GRM8: variants seen among roughly 807,000 people sequenced by gnomAD.
GRM8 encodes metabotropic glutamate receptor 8.
Under a neutral mutation model 87.2 loss-of-function variants are expected in GRM8, and 47 were observed. That is an observed-to-expected ratio of 0.54 (90% CI 0.43 to 0.69). GRM8 has a LOEUF of 0.69. Ranked by LOEUF, GRM8 falls within the 30% of genes least tolerant of loss-of-function variation. The probability of loss-of-function intolerance (pLI) is 0.00; values close to 1 mark genes in which losing one functional copy is unlikely to be tolerated. For synonymous variants in GRM8, 396 were observed against 404.5 expected, an observed-to-expected ratio of 0.98 and a Z score of 0.25; for missense variants, 1,019 against 1,139.2, an observed-to-expected ratio of 0.89 and a Z score of 1.52.
rs1818216177 is a variant in GRM8, at chr7:126,766,548, T to C, written c.1357+3317A>G. ...GAGAGTACCTTTTGTAGCTCACTGA[T>C]CCTGGCAGACAATCTAGAAGGCCAC... On this transcript the variant is annotated intron_variant, in intron 7 of 10. Coordinates refer to ENST00000339582, the MANE Select transcript of GRM8 (RefSeq NM_000845.3). Among the ~76,000 whole-genome samples the C allele has an allele frequency of 2.6e-5, 4 of 152,224 alleles. No individual in the cohort carries two copies. In the South Asian group the frequency reaches 8.3e-4, roughly 32 times the overall value.
chr7:127,216,392 C>A (rs1012765114), intron 2 of GRM8, among the ~76,000 whole-genome samples: 2 of 151,974 alleles, frequency 1.3e-5, no homozygotes, highest in Non-Finnish European at 2.9e-5. Context: ...GTGGCATGCA[C>A]CTGTAATCCC....
At position 127,215,613 on chromosome 7, in the gene GRM8, C is replaced by T. The variant is rs28952005; in HGVS notation, c.510+27082G>A. ...CACTCACCACCCTGGTGTCAGCTCT[C>T]TCTCCATTTTTGCCTCTGTAGAGAC... On this transcript the variant is annotated intron_variant, in intron 2 of 10. Transcript: ENST00000339582. 7.0e-4 allele frequency among the ~76,000 whole-genome samples: 107 copies of T among 152,326 alleles called. 4 individuals carry two copies. In the East Asian group the frequency reaches 0.015, roughly 22 times the overall value.
chr7:126,663,409 C>T (rs1585423029), intron 7 of GRM8, among the ~76,000 whole-genome samples: 1 of 152,194 alleles, frequency 6.6e-6, no homozygotes, highest in Non-Finnish European at 1.5e-5. Context: ...TACTAGCAAA[C>T]TGAATCCAGC....
chr7:126,882,575 A>G (rs1010672883), intron 6 of GRM8, among the ~76,000 whole-genome samples: 3 of 152,250 alleles, frequency 2.0e-5, no homozygotes, highest in Non-Finnish European at 4.4e-5. Flanking sequence ...GAGAACATTT[A>G]CAAAAATTGT....
rs937411792 is a variant in GRM8 at position 127,033,473 on chromosome 7, A to G, written c.727+73023T>C. Among the ~76,000 whole-genome samples the G allele has an allele frequency of 2.0e-5, 3 of 152,156 alleles. No homozygotes were observed. The South Asian group carries it at 6.2e-4, about 31-fold the overall frequency. ...AACATTTATTGAGCACCTATGTACCATGAACTGATCAGCTCATTTTACCTG... is the reference window on the plus strand; with the variant it reads ...AACATTTATTGAGCACCTATGTACCGTGAACTGATCAGCTCATTTTACCTG... On this transcript the variant is annotated intron_variant, in intron 3 of 10. Transcript: ENST00000339582.
chr7:126,608,892 T>C (rs1167401323), intron 8 of GRM8, among the ~76,000 whole-genome samples: 1 of 151,106 alleles, frequency 6.6e-6, no homozygotes, highest in Non-Finnish European at 1.5e-5. Context: ...GCCTCCCAAA[T>C]AGCTGGGACT....
At chr7:127,089,077 G>T (rs987995591) in intron 3 of GRM8, among the ~76,000 whole-genome samples, 3 of 152,322 alleles carry the variant, frequency 2.0e-5, no homozygotes, top group Admixed American at 6.5e-5. Context: ...TAAGGTGTTT[G>T]CAAACATAAC....
At chr7:126,440,410 C>CAAAAAA (rs35828454) in intron 10 of GRM8, among the ~76,000 whole-genome samples, 1 of 75,420 alleles carries the variant, frequency 1.3e-5, no homozygotes, top group African/African-American at 5.6e-5. Flanking sequence ...GACTCCATCT[C>CAAAAAA]AAAAAAAAAA....
intron 3 of GRM8, among the ~76,000 whole-genome samples, chr7:126,982,306 T>C (rs536725863): frequency 7.9e-5 from 12 of 152,326 alleles, no homozygotes; most frequent in Non-Finnish European, 1.8e-4. Flanking sequence ...GACTCAAATG[T>C]TAATCTCCTT....
At chr7:127,061,645 G>A (rs1016208038) in intron 3 of GRM8, among the ~76,000 whole-genome samples, 1 of 152,000 alleles carries the variant, frequency 6.6e-6, no homozygotes. Flanking sequence ...GGAAGCTCAA[G>A]TTCTACTGTG....
chr7:126,863,777 A>T (rs1317727775), intron 6 of GRM8, among the ~76,000 whole-genome samples: 1 of 151,986 alleles, frequency 6.6e-6, no homozygotes, highest in Non-Finnish European at 1.5e-5. Context: ...GGATAGATTC[A>T]TCTTATTTTG....
chr7:127,013,580 G>T (rs1455805109), intron 3 of GRM8, among the ~76,000 whole-genome samples: 1 of 152,118 alleles, frequency 6.6e-6, no homozygotes, highest in African/African-American at 2.4e-5. Context: ...TTACCCTGAT[G>T]TGTAGCCTTT....
chr7:126,751,896 G>A (rs1322566957), intron 7 of GRM8, among the ~76,000 whole-genome samples: 1 of 152,160 alleles, frequency 6.6e-6, no homozygotes, highest in East Asian at 1.9e-4. Flanking sequence ...TAGGAGGCCT[G>A]AACTGCTTAG....
intron 10 of GRM8, among the ~76,000 whole-genome samples, chr7:126,439,546 T>A (rs1433208752): frequency 1.3e-5 from 2 of 152,286 alleles, no homozygotes; most frequent in East Asian, 3.9e-4. Context: ...CAGTACATAG[T>A]ACTTGATAAT....
chr7:126,783,573 A>G (rs1820324784), intron 6 of GRM8, among the ~76,000 whole-genome samples: 1 of 152,202 alleles, frequency 6.6e-6, no homozygotes, highest in Non-Finnish European at 1.5e-5. Flanking sequence ...AATAAAATCA[A>G]TGTGGTTGGT....
At chr7:126,777,146 G>C (rs1428976843) in intron 6 of GRM8, among the ~76,000 whole-genome samples, 2 of 151,960 alleles carry the variant, frequency 1.3e-5, no homozygotes, top group Admixed American at 1.3e-4. Context: ...AACAAATCTG[G>C]TTCCTCAAAA....
chr7:127,198,837 AT>A (rs35710456), intron 2 of GRM8, among the ~76,000 whole-genome samples: 53,620 of 125,716 alleles, frequency 0.43, 10,975 homozygotes, highest in African/African-American at 0.52. Context: ...ACCGTGCCTA[AT>A]TTTTTTTTTT....
intron 6 of GRM8, among the ~76,000 whole-genome samples, chr7:126,879,612 G>T (rs114181576): frequency 1.3e-5 from 2 of 150,522 alleles, no homozygotes; most frequent in South Asian, 4.2e-4. Context: ...AGGCAAAGCC[G>T]TACATCACCA....
intron 6 of GRM8, among the ~76,000 whole-genome samples, chr7:126,855,597 T>A (rs1177417204): frequency 6.6e-6 from 1 of 151,410 alleles, no homozygotes; most frequent in Non-Finnish European, 1.5e-5. Context: ...TGTCTCAGCA[T>A]CCTCAGTAGC....
Sources: allele counts gnomAD v4.1 joint callset (sites outside exome capture counted in the v4.1 genomes callset), GRCh38; gene constraint gnomAD v4.1.1; transcripts MANE v1.5; gene names NCBI Gene and HGNC (gene_info 2026-07-23, HGNC 2026-07-21).